Variants in TSPAN6 observed in about 807,000 individuals in gnomAD.
The protein encoded by TSPAN6 is tetraspanin-6.
A neutral mutation model predicts 18.0 loss-of-function variants in TSPAN6; 13 were observed. That is an observed-to-expected ratio of 0.72 (90% CI 0.47 to 1.15). The LOEUF is 1.15. Among genes scored for constraint, TSPAN6 ranks in the 50% most tolerant of loss-of-function variants. TSPAN6 has a pLI of 0.00. For missense variants in TSPAN6, 186 were observed against 183.9 expected, an observed-to-expected ratio of 1.01 and a Z score of -0.07; for synonymous variants, 82 against 67.0, an observed-to-expected ratio of 1.22 and a Z score of -1.09.
At chrX:100,633,362 T>G in intron 5 of TSPAN6, 43 bp downstream of exon 5, 1 of 1,180,901 alleles carries the variant, frequency 8.5e-7, no homozygotes, top group Non-Finnish European at 1.1e-6. Context: ...TTCAGTTAAG[T>G]CTTCAAATAT....
intron 6 of TSPAN6, among the ~76,000 whole-genome samples, chrX:100,631,136 T>C (rs2083056706): frequency 8.9e-6 from 1 of 111,791 alleles, no homozygotes; most frequent in South Asian, 3.7e-4. Flanking sequence ...TGAAGAAACT[T>C]TTCTTACTCT....
chrX:100,632,644 G>T (rs989667785), intron 5 of TSPAN6, 76 bp from the exon 6 acceptor site: 1 of 640,520 alleles, frequency 1.6e-6, no homozygotes, highest in Non-Finnish European at 2.5e-6. Context: ...TAAATACTTC[G>T]ATCATATAAC....
chrX:100,632,671 T>C, intron 5 of TSPAN6, 103 bp from the exon 6 acceptor site: 1 of 525,738 alleles, frequency 1.9e-6, no homozygotes, highest in East Asian at 3.7e-5. Flanking sequence ...GAAAGATATA[T>C]TTATGGTAAT....
intron 3 of TSPAN6, among the ~76,000 whole-genome samples, chrX:100,634,735 G>A (rs1234511743): frequency 1.8e-5 from 2 of 111,112 alleles, no homozygotes; most frequent in Non-Finnish European, 3.8e-5. Context: ...CCCTGACCTC[G>A]TGATCCACCT....
chrX:100,632,050 C>T (rs1245806304), intron 6 of TSPAN6: 2 of 128,600 alleles, frequency 1.6e-5, no homozygotes, highest in South Asian at 2.7e-4. Flanking sequence ...TGTGAAAATG[C>T]GACTTCCCTA....
At chrX:100,636,585 C>G (rs2083097538) in intron 1 of TSPAN6, 23 bp downstream of exon 1, 1 of 1,190,247 alleles carries the variant, frequency 8.4e-7, no homozygotes, top group African/African-American at 1.7e-5. Context: ...CCCCTGCCGG[C>G]CCCAGGCGCC....
At chrX:100,634,124 C>CT in intron 3 of TSPAN6, 95 bp from the exon 4 acceptor site, 3 of 530,091 alleles carry the variant, frequency 5.7e-6, no homozygotes, top group Non-Finnish European at 9.5e-6. Flanking sequence ...ATGGTCATAT[C>CT]TTTGACAGCA....
intron 3 of TSPAN6, 104 bp downstream of exon 3, chrX:100,635,074 C>T: frequency 3.5e-6 from 2 of 576,481 alleles, no homozygotes; most frequent in Non-Finnish European, 5.3e-6. Context: ...TTATTGTCAG[C>T]TACAGGTTTA....
chrX:100,634,414 G>A (rs2083080370), intron 3 of TSPAN6, among the ~76,000 whole-genome samples: 1 of 111,541 alleles, frequency 9.0e-6, no homozygotes, highest in Non-Finnish European at 1.9e-5. Flanking sequence ...CACTTTATGA[G>A]AACTCTCATT....
chrX:100,634,791 G>A (rs770311251), intron 3 of TSPAN6, among the ~76,000 whole-genome samples: 3 of 111,673 alleles, frequency 2.7e-5, no homozygotes, highest in South Asian at 3.7e-4. Flanking sequence ...GAGCCAACGC[G>A]CCCGGCCCAA....
Position 100,634,018 on chromosome X carries a change from G to C in TSPAN6, c.363C>G (p.Ser121Arg), listed in dbSNP as rs1018644966. The C allele has an allele frequency of 3.4e-6, 4 of 1,183,772 alleles. No homozygotes were observed. Among genetic ancestry groups the C allele is most frequent in the Middle Eastern group, 2.3e-4 (1 of 4,321 alleles). Residue 121 changes from serine (S) to arginine (R), a missense_variant, in exon 4 of 8, where the codon AGC (serine) becomes AGG (arginine). Coordinates refer to ENST00000373020, the MANE Select transcript of TSPAN6 (RefSeq NM_003270.4). Reference protein sequence around the residue: ...GFVFRHEIKNSFKNNYEKALK... With the variant: ...GFVFRHEIKNRFKNNYEKALK... ...AAGCCTTCTCATAATTATTCTTAAA[G>C]CTGTTCTTAATCTATAGCAAAGAAA... is the stretch of plus-strand genomic sequence containing the variant.
At position 100,630,786 on chromosome X, in the gene TSPAN6, A is replaced by G. The variant is rs2083053644; in HGVS notation, c.*12T>C. On this transcript the variant is annotated 3_prime_UTR_variant, in exon 7 of 8. Coordinates refer to ENST00000373020, the MANE Select transcript of TSPAN6 (RefSeq NM_003270.4). ...TAAAGGTAGAGAGGAATAGGCCCACAGATACATTGGGTTACACTATCTCAT... is the reference window on the plus strand; with the variant it reads ...TAAAGGTAGAGAGGAATAGGCCCACGGATACATTGGGTTACACTATCTCAT... 8.3e-7 allele frequency: 1 copy of G among 1,207,541 alleles called. No homozygotes were observed. Among genetic ancestry groups the G allele is most frequent in the African/African-American group, 1.7e-5 (1 of 57,239 alleles).
rs2083043081 is a variant in TSPAN6 at position 100,629,212 on chromosome X, A to G, written c.*814T>C. On this transcript the variant is annotated 3_prime_UTR_variant, in exon 8 of 8. Coordinates refer to ENST00000373020, the MANE Select transcript of TSPAN6 (RefSeq NM_003270.4). The stretch of plus-strand genomic sequence containing the variant: ...TACAACAATTCCGACACCATTTAAT[A>G]ATTAGAAACTTTCAAACAAGAGGGA... 1 of 112,299 alleles carries G rather than the reference A, an allele frequency of 8.9e-6. No homozygotes were observed. The highest frequency in any genetic ancestry group is 3.2e-5 in the African/African-American group (1 of 30,915). 9.3% of individuals were successfully genotyped at this position (112,299 alleles called of 1,213,427 possible).
At position 100,634,042 on chromosome X, in the gene TSPAN6, AAC is replaced by A. The variant is rs778298637; in HGVS notation, c.352-15_352-14del. ...AGCTGTTCTTAATCTATAGCAAAGA[AAC>A]ACAATGTCAGTAAGAAAATCCTCTA... On this transcript the variant is annotated splice_polypyrimidine_tract_variant and intron_variant, in intron 3 of 7. Coordinates refer to ENST00000373020, the MANE Select transcript of TSPAN6 (RefSeq NM_003270.4). 8.8e-7 allele frequency: 1 copy of A among 1,132,290 alleles called. No homozygotes were observed. The highest frequency in any genetic ancestry group is 1.2e-6 in the Non-Finnish European group (1 of 829,659). 93.3% of individuals were successfully genotyped at this position (1,132,290 alleles called of 1,213,427 possible). A position where few individuals can be genotyped will look rare whatever the true frequency, so the allele number is the denominator to read the frequency against.
intron 3 of TSPAN6, 56 bp from the exon 4 acceptor site, chrX:100,634,085 C>T: frequency 1.2e-6 from 1 of 839,820 alleles, no homozygotes; most frequent in Non-Finnish European, 1.7e-6. Context: ...TTTTTGGTTT[C>T]AGGTCAAATA....
chrX:100,636,372 G>A, intron 1 of TSPAN6: 1 of 972,390 alleles, frequency 1.0e-6, no homozygotes, highest in Non-Finnish European at 1.3e-6. Context: ...TGGTACGTCT[G>A]GGTCCCAGCT....
intron 1 of TSPAN6, chrX:100,636,333 A>G: frequency 1.1e-6 from 1 of 928,383 alleles, no homozygotes; most frequent in Non-Finnish European, 1.3e-6. Context: ...TTAAGGCCCC[A>G]CCTCGCCTCC....
chrX:100,633,781 G>C (rs750725576), intron 4 of TSPAN6, 150 bp downstream of exon 4: 51 of 494,012 alleles, frequency 1.0e-4, no homozygotes, highest in Non-Finnish European at 1.5e-4. Flanking sequence ...ATGTAAGTGG[G>C]GAAGGAAGAG....
intron 6 of TSPAN6, among the ~76,000 whole-genome samples, chrX:100,631,573 C>T (rs1016336130): frequency 3.6e-5 from 4 of 111,775 alleles, no homozygotes; most frequent in East Asian, 2.8e-4. Context: ...TGATCTACAA[C>T]GTGGAATCAA....
Sources: allele counts gnomAD v4.1 joint callset (sites outside exome capture counted in the v4.1 genomes callset), GRCh38; gene constraint gnomAD v4.1.1; transcripts MANE v1.5; gene names NCBI Gene and HGNC (gene_info 2026-07-23, HGNC 2026-07-21).